The following DDX55 variants were observed in gnomAD, a reference collection of about 807,000 sequenced individuals.
DDX55 encodes ATP-dependent RNA helicase DDX55.
In DDX55, 56 loss-of-function variants were observed where a neutral mutation model predicts 69.2. The ratio of observed to expected loss-of-function variants is 0.81; its 90% confidence interval spans 0.65 to 1.01. DDX55 has a LOEUF of 1.01. Ranked by LOEUF, DDX55 falls within the 50% of genes least tolerant of loss-of-function variation. The probability of loss-of-function intolerance (pLI) is 0.00; values close to 1 mark genes in which losing one functional copy is unlikely to be tolerated. For missense variants in DDX55, 720 were observed against 745.1 expected (o/e 0.97, Z 0.39); for synonymous variants, 268 against 273.1 (o/e 0.98, Z 0.18).
In DDX55 at chr12:123,606,097, G is replaced by GC; in HGVS notation, c.185dup (p.Val64CysfsTer65). On this transcript the variant is annotated frameshift_variant, in exon 3 of 14. Coordinates refer to ENST00000238146, the MANE Select transcript of DDX55 (RefSeq NM_020936.3). LOFTEE classifies it high-confidence loss of function. ...GGTCACAGGTAGTGGCAAAACACTC[G>GC]CTTTTGTCATCCCCATCCTGGAAAT... 1 of 1,614,116 alleles carries GC rather than the reference G, an allele frequency of 6.2e-7. No homozygotes were observed. The highest frequency in any genetic ancestry group is 8.5e-7 in the Non-Finnish European group (1 of 1,180,030).
chr12:123,607,291 C>A, intron 3 of DDX55, 141 bp from the exon 4 acceptor site: 2 of 820,230 alleles, frequency 2.4e-6, no homozygotes, highest in South Asian at 3.4e-5. Context: ...TTGATATGTG[C>A]TCAGAGATGC....
intron 11 of DDX55, chr12:123,618,320 G>A: frequency 1.8e-6 from 1 of 563,604 alleles, no homozygotes; most frequent in Non-Finnish European, 3.4e-6. Flanking sequence ...CCACCCTGGT[G>A]GGCTTTAAGG....
Position 123,617,664 on chromosome 12 carries a change from A to G in DDX55, c.1050-94A>G, listed in dbSNP as rs1004949221. ...GAGCTGTGGAGGCTAGAGGCTCCCC[A>G]GAGCGTTTTAGCTGCAGCAGCCATG... On this transcript the variant is annotated intron_variant, in intron 10 of 13. Transcript: ENST00000238146. The G allele has an allele frequency of 2.2e-5, 25 of 1,137,276 alleles. No individual in the cohort carries two copies. In the Admixed American group the frequency reaches 6.0e-4, roughly 27 times the overall value. 70.4% of individuals were successfully genotyped at this position (1,137,276 alleles called of 1,614,324 possible).
At position 123,606,546 on chromosome 12, in the gene DDX55, G is replaced by A. The variant is rs77668450; in HGVS notation, c.246+387G>A. ...TTTTCACTGCTCAGGTGTAAACAGT[G>A]TCCTTTTCGTCATTTATTTAGTGCC... On this transcript the variant is annotated intron_variant, in intron 3 of 13. Transcript: ENST00000238146. Among the ~76,000 whole-genome samples, 37 of 151,108 alleles carry A rather than the reference G, an allele frequency of 2.4e-4. No homozygotes were observed. The East Asian group carries it at 6.2e-3, about 25-fold the overall frequency.
At position 123,609,995 on chromosome 12, in the gene DDX55, C is replaced by T. The variant is rs763323997; in HGVS notation, c.608C>T (p.Ala203Val). The stretch of plus-strand genomic sequence containing the variant: ...CAGAGGAGAACAGGCCTTTTCTCTG[C>T]CACTCAGACGCAGGAAGTGGAGAAC... ...PKQRRTGLFSATQTQEVENLV... is the reference protein window; with the variant it reads ...PKQRRTGLFSVTQTQEVENLV... Residue 203 changes from alanine (A) to valine (V), a missense_variant, in exon 7 of 14, where the codon GCC becomes GTC. Transcript: ENST00000238146. 1.2e-6 allele frequency: 2 copies of T among 1,614,156 alleles called. No homozygotes were observed. The highest frequency in any genetic ancestry group is 1.7e-6 in the Non-Finnish European group (2 of 1,180,022).
intron 1 of DDX55, chr12:123,605,459 G>T (rs907028018): frequency 2.7e-5 from 7 of 260,718 alleles, no homozygotes; most frequent in African/African-American, 4.4e-5. Context: ...GTGAGCTCAG[G>T]CCCTGGGGAC....
intron 11 of DDX55, chr12:123,618,330 G>C (rs533419833): frequency 1.7e-6 from 1 of 584,408 alleles, no homozygotes; most frequent in Admixed American, 1.9e-5. Context: ...GGGCTTTAAG[G>C]CTGTGGAGGC....
intron 3 of DDX55, 61 bp from the exon 4 acceptor site, chr12:123,607,371 T>A: frequency 6.3e-7 from 1 of 1,578,488 alleles, no homozygotes; most frequent in Non-Finnish European, 8.7e-7. Flanking sequence ...GGAGGGCCTA[T>A]GAGTTCCTCT....
At chr12:123,606,617 G>GT (rs1953910578) in intron 3 of DDX55, among the ~76,000 whole-genome samples, 1 of 150,470 alleles carries the variant, frequency 6.6e-6, no homozygotes, top group African/African-American at 2.5e-5. Context: ...CTGAGACAGG[G>GT]TTTTGCTCTG....
intron 11 of DDX55, chr12:123,618,186 A>G: frequency 5.3e-6 from 2 of 380,076 alleles, no homozygotes; most frequent in Non-Finnish European, 1.0e-5. Flanking sequence ...CTAATTTTGT[A>G]TTTTTAGTAG....
chr12:123,605,920 T>A lies in DDX55; in HGVS notation c.109-11T>A. On this transcript the variant is annotated splice_polypyrimidine_tract_variant and intron_variant, in intron 1 of 13. Transcript: ENST00000238146. ...ATCCTTTAACCAGTGCTTTGCAATC[T>A]CTCTCTTTAGTCCGCAACCATCCCT... 6.2e-7 allele frequency: 1 copy of A among 1,614,132 alleles called. No homozygotes were observed.
chr12:123,613,343 A>G (rs1954409690), intron 8 of DDX55, 91 bp downstream of exon 8: 5 of 1,281,484 alleles, frequency 3.9e-6, no homozygotes, highest in Middle Eastern at 2.2e-4. Flanking sequence ...TCCATCTAGC[A>G]TGGTTCTCTC....
chr12:123,613,070 G>A, intron 7 of DDX55, 100 bp from the exon 8 acceptor site: 4 of 1,249,492 alleles, frequency 3.2e-6, no homozygotes, highest in South Asian at 2.6e-5. Flanking sequence ...ACCCATGGGG[G>A]AAATGACATT....
In DDX55 at chr12:123,616,555, T is replaced by C; in HGVS notation, c.1001T>C (p.Ile334Thr). ...GATGTGATGGCCCGGGGAATTGATA[T>C]TCCTGAAGTCAACTGGGTTTTGCAG... ...CTDVMARGID[I>T]PEVNWVLQYD... The change falls in exon 10 of 14, where the codon ATT becomes ACT. Residue 334 changes from isoleucine (I) to threonine (T), a missense_variant. Ile to Thr is a moderately conservative substitution (Grantham distance 89). Transcript: ENST00000238146. 1 of 1,614,160 alleles carries C rather than the reference T, an allele frequency of 6.2e-7. No homozygotes were observed. Among genetic ancestry groups the C allele is most frequent in the Non-Finnish European group, 8.5e-7 (1 of 1,180,020 alleles).
intron 1 of DDX55, among the ~76,000 whole-genome samples, chr12:123,602,831 A>G (rs1953650174): frequency 1.3e-5 from 2 of 152,228 alleles, no homozygotes; most frequent in Admixed American, 1.3e-4. Flanking sequence ...TTATGAAAGA[A>G]CTAAGACGGT....
In DDX55 at chr12:123,618,838, G is replaced by A. The variant is rs1397201889; in HGVS notation, c.1333+1G>A. ...TGCAACCTGATTTTCAGATTAAAGG[G>A]TAAGTTGGACTTCTTCATGTGATAA... On this transcript the variant is annotated splice_donor_variant, in intron 12 of 13. Transcript: ENST00000238146. LOFTEE classifies it high-confidence loss of function. The A allele has an allele frequency of 1.2e-6, 2 of 1,613,692 alleles. No individual in the cohort carries two copies. The highest frequency in any genetic ancestry group is 1.7e-6 in the Non-Finnish European group (2 of 1,179,730).
Position 123,617,751 on chromosome 12 carries a change from C to A in DDX55, c.1050-7C>A. On this transcript the variant is annotated splice_region_variant and splice_polypyrimidine_tract_variant and intron_variant, in intron 10 of 13. Coordinates refer to ENST00000238146, the MANE Select transcript of DDX55 (RefSeq NM_020936.3). ...TGGGTACCCATTTCCACCCTGTGTT[C>A]TCACAGTGCCTTCGTGCATCGCTGC... is the stretch of plus-strand genomic sequence containing the variant. 2 of 1,607,316 alleles carry A rather than the reference C, an allele frequency of 1.2e-6. No homozygotes were observed. The highest frequency in any genetic ancestry group is 1.7e-6 in the Non-Finnish European group (2 of 1,176,756).
chr12:123,620,629 A>ATAG lies in DDX55; in HGVS notation c.*489_*490insTAG, dbSNP rs1566211855. 2.5e-4 allele frequency: 15 copies of ATAG among 60,860 alleles called. 1 individual carries two copies. The highest frequency in any genetic ancestry group is 7.7e-4 in the African/African-American group (14 of 18,244). The allele number at this position is 60,860 out of a possible 1,614,324, so 3.8% of individuals were successfully genotyped here. A position where few individuals can be genotyped will look rare whatever the true frequency, so the allele number is the denominator to read the frequency against. ...ATATATATATATATATATATATATA[A>ATAG]GCTCTTTTTTCTGAGGCTATTTTAT... On this transcript the variant is annotated 3_prime_UTR_variant, in exon 14 of 14. Coordinates refer to ENST00000238146, the MANE Select transcript of DDX55 (RefSeq NM_020936.3).
intron 1 of DDX55, 46 bp downstream of exon 1, chr12:123,602,302 G>T (rs1953611205): frequency 1.3e-6 from 2 of 1,481,500 alleles, no homozygotes; most frequent in South Asian, 1.3e-5. Context: ...AGAGGGGCAG[G>T]CACCCGCTGC....
Sources: gnomAD v4.1 joint callset for allele counts (sites outside exome capture counted in the v4.1 genomes callset) on GRCh38, gnomAD v4.1.1 for gene constraint, MANE v1.5 for transcripts, NCBI Gene and HGNC (gene_info 2026-07-23, HGNC 2026-07-21) for gene names.